UBE2O: variants seen among roughly 807,000 people sequenced by gnomAD.
The protein encoded by UBE2O is (E3-independent) E2 ubiquitin-conjugating enzyme.
Under a neutral mutation model 125.8 loss-of-function variants are expected in UBE2O, and 15 were observed. The observed-to-expected ratio is 0.12, with a 90% CI of 0.08 to 0.18. The LOEUF (loss-of-function observed/expected upper bound fraction) is 0.18. Ranked by LOEUF, UBE2O falls within the 10% of genes least tolerant of loss-of-function variation. The probability of loss-of-function intolerance (pLI) is 1.00; values close to 1 mark genes in which losing one functional copy is unlikely to be tolerated. For synonymous variants in UBE2O, 708 were observed against 703.2 expected (o/e 1.01, Z -0.11); for missense variants, 1,280 against 1,723.6 (o/e 0.74, Z 4.56).
At chr17:76,414,130 C>T (rs2072560028) in intron 1 of UBE2O, among the ~76,000 whole-genome samples, 1 of 152,058 alleles carries the variant, frequency 6.6e-6, no homozygotes, top group Non-Finnish European at 1.5e-5. Context: ...CAGGGGGCCT[C>T]ACATGCTTGG....
rs547424605 is a variant in UBE2O at position 76,444,753 on chromosome 17, G to C, written c.417+7972C>G. On this transcript the variant is annotated intron_variant, in intron 1 of 17. Transcript: ENST00000319380. ...GACCCAAAAGCACACTGGGGGACCA[G>C]AGAAATGCTTTCTTCCTTGGCTTGA... Among the ~76,000 whole-genome samples, 9 of 152,348 alleles carry C rather than the reference G, an allele frequency of 5.9e-5. No homozygotes were observed. The East Asian group carries it at 1.7e-3, about 29-fold the overall frequency.
intron 1 of UBE2O, among the ~76,000 whole-genome samples, chr17:76,414,302 G>T (rs1230061901): frequency 6.6e-6 from 1 of 152,208 alleles, no homozygotes; most frequent in Non-Finnish European, 1.5e-5. Flanking sequence ...GTTTTCTATA[G>T]ACTTAAGACA....
chr17:76,422,551 C>T (rs2072729816), intron 1 of UBE2O, among the ~76,000 whole-genome samples: 1 of 152,230 alleles, frequency 6.6e-6, no homozygotes, highest in Non-Finnish European at 1.5e-5. Flanking sequence ...GACAGTCCTG[C>T]AGGTGTCCGA....
At chr17:76,413,125 A>G (rs1419690852) in intron 1 of UBE2O, among the ~76,000 whole-genome samples, 1 of 152,248 alleles carries the variant, frequency 6.6e-6, no homozygotes, top group African/African-American at 2.4e-5. Context: ...TGATTCCTAT[A>G]TATTCAAGGC....
intron 1 of UBE2O, among the ~76,000 whole-genome samples, chr17:76,412,997 C>T (rs1043929426): frequency 6.6e-6 from 1 of 152,102 alleles, no homozygotes; most frequent in Non-Finnish European, 1.5e-5. Flanking sequence ...GACTGGAAGA[C>T]AGGGCAAGAC....
At chr17:76,449,369 G>A (rs1293456931) in intron 1 of UBE2O, among the ~76,000 whole-genome samples, 1 of 152,246 alleles carries the variant, frequency 6.6e-6, no homozygotes, top group Non-Finnish European at 1.5e-5. Flanking sequence ...GAGGCCAGAA[G>A]TTCAAGACCA....
In UBE2O at chr17:76,391,864, A is replaced by G; in HGVS notation, c.3150+46T>C. Reference sequence around the variant, plus strand: ...TCTGTTCCCCAGGCCCCTATCCACCAGTGGCTCTTCCTCCTTCTTGGCTGG... The same window carrying G: ...TCTGTTCCCCAGGCCCCTATCCACCGGTGGCTCTTCCTCCTTCTTGGCTGG... On this transcript the variant is annotated intron_variant, in intron 16 of 17. Transcript: ENST00000319380. The surrounding 1 kb of genome is among the most constrained non-coding windows in gnomAD (Gnocchi z 8.4). The G allele has an allele frequency of 6.2e-7, 1 of 1,613,864 alleles. No homozygotes were observed. Among genetic ancestry groups the G allele is most frequent in the Non-Finnish European group, 8.5e-7 (1 of 1,179,910 alleles).
At chr17:76,436,515 T>C (rs1405656083) in intron 1 of UBE2O, among the ~76,000 whole-genome samples, 1 of 152,144 alleles carries the variant, frequency 6.6e-6, no homozygotes, top group African/African-American at 2.4e-5. Context: ...GAACAGACTA[T>C]TACACCTGGG....
Position 76,402,450 on chromosome 17 carries a change from G to T in UBE2O, c.686+152C>A. 1.4e-6 allele frequency: 1 copy of T among 730,958 alleles called. No individual in the cohort carries two copies. Among genetic ancestry groups the T allele is most frequent in the South Asian group, 1.6e-5 (1 of 61,400 alleles). The allele number at this position is 730,958 out of a possible 1,614,324, so 45.3% of individuals were successfully genotyped here. On this transcript the variant is annotated intron_variant, in intron 4 of 17. Transcript: ENST00000319380. This position sits in a 1 kb window ranked among gnomAD's most constrained non-coding sequence, Gnocchi z 5.4. ...TAGGCCACGGCAGATAAGGAGAACG[G>T]TACAGGGTTAGGCCCTGGATGCCTG...
chr17:76,404,966 T>C lies in UBE2O; in HGVS notation c.588+240A>G, dbSNP rs914479072. On this transcript the variant is annotated intron_variant, in intron 3 of 17. Coordinates refer to ENST00000319380, the MANE Select transcript of UBE2O (RefSeq NM_022066.4). The surrounding 1 kb of genome is among the most constrained non-coding windows in gnomAD (Gnocchi z 4.3). ...AGGAGAAAGGAAAAACACTTAAAGA[T>C]AACCACACTGGCAGCCTATGCTGGG... is the stretch of plus-strand genomic sequence containing the variant. Among the ~76,000 whole-genome samples, 1 of 152,178 alleles carries C rather than the reference T, an allele frequency of 6.6e-6. No individual in the cohort carries two copies. Among genetic ancestry groups the C allele is most frequent in the Non-Finnish European group, 1.5e-5 (1 of 68,030 alleles).
chr17:76,442,819 G>A (rs1437780208), intron 1 of UBE2O, among the ~76,000 whole-genome samples: 1 of 152,164 alleles, frequency 6.6e-6, no homozygotes, highest in East Asian at 1.9e-4. Context: ...GCTGTTCACT[G>A]GTTGAAGGAG....
chr17:76,406,672 G>A (rs1707886462), intron 1 of UBE2O, among the ~76,000 whole-genome samples: 2 of 148,470 alleles, frequency 1.3e-5, no homozygotes. Flanking sequence ...GAGTCCCATG[G>A]GAACTCATGA....
At chr17:76,447,380 T>C (rs566872264) in intron 1 of UBE2O, among the ~76,000 whole-genome samples, 51 of 152,342 alleles carry the variant, frequency 3.3e-4, no homozygotes, top group African/African-American at 1.2e-3. Flanking sequence ...ACAGGGTTGT[T>C]GTGAGCGTGA....
At position 76,405,645 on chromosome 17, in the gene UBE2O, T is replaced by A; in HGVS notation, c.418-73A>T. 1.5e-6 allele frequency: 2 copies of A among 1,361,786 alleles called. No individual in the cohort carries two copies. The allele number at this position is 1,361,786 out of a possible 1,614,324, so 84.4% of individuals were successfully genotyped here. On this transcript the variant is annotated intron_variant, in intron 1 of 17. Coordinates refer to ENST00000319380, the MANE Select transcript of UBE2O (RefSeq NM_022066.4). This position sits in a 1 kb window ranked among gnomAD's most constrained non-coding sequence, Gnocchi z 6.1. ...CAGAATACAGTTTTCTTCCAGCTTC[T>A]GAAGGAAAGCGTCACATCCACACTG...
intron 1 of UBE2O, among the ~76,000 whole-genome samples, chr17:76,412,652 G>A (rs1431215059): frequency 6.6e-6 from 1 of 152,176 alleles, no homozygotes; most frequent in Non-Finnish European, 1.5e-5. Context: ...CAGCACAGGT[G>A]TGGCGCCACT....
chr17:76,433,427 G>A (rs903654875), intron 1 of UBE2O, among the ~76,000 whole-genome samples: 3 of 148,990 alleles, frequency 2.0e-5, no homozygotes, highest in African/African-American at 7.5e-5. Flanking sequence ...GGAGTTGGGA[G>A]GGGTGCAGGG....
chr17:76,405,628 A>C lies in UBE2O; in HGVS notation c.418-56T>G. On this transcript the variant is annotated intron_variant, in intron 1 of 17. Coordinates refer to ENST00000319380, the MANE Select transcript of UBE2O (RefSeq NM_022066.4). This position sits in a 1 kb window ranked among gnomAD's most constrained non-coding sequence, Gnocchi z 6.1. Reference sequence around the variant, plus strand: ...GGACTCTGAAGCCACCACAGAATACAGTTTTCTTCCAGCTTCTGAAGGAAA... The same window carrying C: ...GGACTCTGAAGCCACCACAGAATACCGTTTTCTTCCAGCTTCTGAAGGAAA... 1 of 1,454,640 alleles carries C rather than the reference A, an allele frequency of 6.9e-7. No individual in the cohort carries two copies. Among genetic ancestry groups the C allele is most frequent in the Non-Finnish European group, 9.5e-7 (1 of 1,057,452 alleles). The allele number at this position is 1,454,640 out of a possible 1,614,324, so 90.1% of individuals were successfully genotyped here.
chr17:76,447,580 T>C (rs1463540845), intron 1 of UBE2O, among the ~76,000 whole-genome samples: 1 of 152,334 alleles, frequency 6.6e-6, no homozygotes, highest in East Asian at 1.9e-4. Context: ...TACAGATTCA[T>C]TCCATCCCCC....
rs562389342 is a variant in UBE2O, at chr17:76,398,500, T to C, written c.1868A>G (p.Lys623Arg). 1 of 1,614,106 alleles carries C rather than the reference T, an allele frequency of 6.2e-7. No individual in the cohort carries two copies. The highest frequency in any genetic ancestry group is 1.7e-5 in the Admixed American group (1 of 60,016). ...CACGTCGTCCCCACTCGGCCTCAGC[T>C]TGAACCACTTCACCATGCAGGTACG... ...IGRTCMVKWF[K>R]LRPSGDDVEL... Residue 623 changes from lysine (K) to arginine (R), a missense_variant, in exon 11 of 18, where the codon AAG becomes AGG. Around this residue, in one of 10 missense-constraint regions of UBE2O, gnomAD observed 145 missense variants for 219.6 expected, o/e 0.66. Coordinates refer to ENST00000319380, the MANE Select transcript of UBE2O (RefSeq NM_022066.4). This position sits in a 1 kb window ranked among gnomAD's most constrained non-coding sequence, Gnocchi z 5.4.
Sources: allele counts gnomAD v4.1 joint callset (sites outside exome capture counted in the v4.1 genomes callset), GRCh38; gene constraint gnomAD v4.1.1; regional missense constraint gnomAD v4.1.1; non-coding constraint Gnocchi (gnomAD v3.1); transcripts MANE v1.5; gene names NCBI Gene and HGNC (gene_info 2026-07-23, HGNC 2026-07-21).